The following TRA2B variants were observed in gnomAD, a reference collection of about 807,000 sequenced individuals.
The protein encoded by TRA2B is transformer 2 beta homolog.
In TRA2B, 14 loss-of-function variants were observed where a neutral mutation model predicts 41.7. The ratio of observed to expected loss-of-function variants is 0.34; its 90% CI spans 0.22 to 0.53. The LOEUF (loss-of-function observed/expected upper bound fraction) is 0.53, where lower values mean the gene tolerates loss of function less well. Among genes scored for constraint, TRA2B ranks in the 20% least tolerant of loss-of-function variants. TRA2B has a pLI of 0.95. For synonymous variants in TRA2B, 130 were observed against 128.8 expected, an observed-to-expected ratio of 1.01 and a Z score of -0.06; for missense variants, 167 against 396.8, an observed-to-expected ratio of 0.42 and a Z score of 4.92.
At chr3:185,926,854 G>C in intron 1 of TRA2B, 120 bp from the exon 2 acceptor site, 1 of 1,248,150 alleles carries the variant, frequency 8.0e-7, no homozygotes, top group Non-Finnish European at 1.1e-6. Context: ...GAAAATATAG[G>C]TAAGGGCAGG....
rs779734563 is a variant in TRA2B at position 185,919,536 on chromosome 3, G to C, written c.723-40C>G. The C allele has an allele frequency of 8.4e-6, 13 of 1,552,448 alleles. No homozygotes were observed. In the East Asian group the frequency reaches 9.0e-5, roughly 11 times the overall value. On this transcript the variant is annotated intron_variant, in intron 6 of 8. Transcript: ENST00000453386. Reference sequence around the variant, plus strand: ...AGGCAACACAACACGCATTCAGTTTGTAAGTTTTAAAAAATTATGTCATTC... The same window carrying C: ...AGGCAACACAACACGCATTCAGTTTCTAAGTTTTAAAAAATTATGTCATTC...
At chr3:185,928,087 G>A (rs890707698) in intron 1 of TRA2B, 1 of 152,216 alleles carries the variant, frequency 6.6e-6, no homozygotes, top group South Asian at 2.1e-4. Context: ...TTCTTGAAAG[G>A]ACAGTAGAGG....
chr3:185,923,658 T>C lies in TRA2B; in HGVS notation c.522+138A>G, dbSNP rs1221168769. On this transcript the variant is annotated intron_variant, in intron 4 of 8. Transcript: ENST00000453386. ...AAAATTTTGTTATTCTGCATGTATC[T>C]TGAGTCTCCACAAGAGGTTGGAGAA... 16 of 748,322 alleles carry C rather than the reference T, an allele frequency of 2.1e-5. No homozygotes were observed. In the East Asian group the frequency reaches 3.8e-4, roughly 18 times the overall value. 46.4% of individuals were successfully genotyped at this position (748,322 alleles called of 1,614,324 possible).
intron 2 of TRA2B, 55 bp downstream of exon 2, chr3:185,926,546 C>G (rs918190507): frequency 5.1e-5 from 81 of 1,603,472 alleles, no homozygotes; most frequent in Non-Finnish European, 6.7e-5. Context: ...TTACAAAACA[C>G]GCACCAATTT....
intron 1 of TRA2B, chr3:185,936,071 A>G (rs968285210): frequency 1.0e-6 from 1 of 985,366 alleles, no homozygotes; most frequent in Non-Finnish European, 1.2e-6. Context: ...TTCTCACGTA[A>G]AATATACTAA....
intron 6 of TRA2B, among the ~76,000 whole-genome samples, 158 bp downstream of exon 6, chr3:185,920,946 A>G (rs1743709876): frequency 6.6e-6 from 1 of 152,188 alleles, no homozygotes; most frequent in African/African-American, 2.4e-5. Flanking sequence ...AAATTGATTA[A>G]GACACAGAAC....
At chr3:185,933,297 T>G (rs373007507) in intron 1 of TRA2B, among the ~76,000 whole-genome samples, 1 of 152,208 alleles carries the variant, frequency 6.6e-6, no homozygotes, top group Non-Finnish European at 1.5e-5. Context: ...TTCCTTCTCT[T>G]ATAGTCTAAG....
intron 2 of TRA2B, 103 bp from the exon 3 acceptor site, chr3:185,925,729 T>C (rs1435825390): frequency 9.3e-6 from 11 of 1,179,964 alleles, no homozygotes; most frequent in Non-Finnish European, 1.3e-5. Context: ...AATCCAGGAA[T>C]ATGCTAACAT....
intron 1 of TRA2B, chr3:185,936,702 T>G (rs1292960295): frequency 1.0e-6 from 1 of 980,348 alleles, no homozygotes; most frequent in African/African-American, 1.8e-5. Flanking sequence ...AAAGCACAAA[T>G]TATTCCCACA....
At chr3:185,929,060 A>G (rs1744055420) in intron 1 of TRA2B, 1 of 152,192 alleles carries the variant, frequency 6.6e-6, no homozygotes. Context: ...ATGCAGATAT[A>G]TTTTGTAAGC....
chr3:185,936,365 A>C (rs1260097168), intron 1 of TRA2B: 7 of 985,416 alleles, frequency 7.1e-6, no homozygotes, highest in Non-Finnish European at 8.4e-6. Context: ...CTTAAAAAAA[A>C]ATCTAAAACA....
Position 185,923,800 on chromosome 3 carries a change from T to C in TRA2B, c.518A>G (p.Lys173Arg). 6.2e-7 allele frequency: 1 copy of C among 1,608,938 alleles called. No individual in the cohort carries two copies. Among genetic ancestry groups the C allele is most frequent in the Non-Finnish European group, 8.5e-7 (1 of 1,178,086 alleles). Residue 173 changes from lysine (K) to arginine (R), a missense_variant, in exon 4 of 9, where the codon AAG becomes AGG. Around this residue, in one of 5 missense-constraint regions of TRA2B, gnomAD observed 20 missense variants for 159.6 expected, o/e 0.13. Coordinates refer to ENST00000453386, the MANE Select transcript of TRA2B (RefSeq NM_004593.3). ...AAGGAACGGGCTTTTACTTACTTCC[T>C]TGGCATCATCTACATTTTCAAAATA... The part of the protein sequence containing the change: ...FVYFENVDDA[K>R]EAKERANGME...
Position 185,914,856 on chromosome 3 carries a change from C to T in TRA2B, c.*2859G>A, listed in dbSNP as rs537960808. 3.3e-5 allele frequency among the ~76,000 whole-genome samples: 5 copies of T among 152,146 alleles called. No homozygotes were observed. The highest frequency in any genetic ancestry group is 1.9e-4 in the East Asian group (1 of 5,184). Reference sequence around the variant, plus strand: ...CAAACCAAATCTTTTTATTTCTTCTCGGTGAAACTTCTAATTCTCAATTTC... The same window carrying T: ...CAAACCAAATCTTTTTATTTCTTCTTGGTGAAACTTCTAATTCTCAATTTC... On this transcript the variant is annotated 3_prime_UTR_variant, in exon 9 of 9. Coordinates refer to ENST00000453386, the MANE Select transcript of TRA2B (RefSeq NM_004593.3).
intron 4 of TRA2B, 29 bp from the exon 5 acceptor site, chr3:185,922,155 C>T: frequency 6.5e-7 from 1 of 1,540,548 alleles, no homozygotes; most frequent in Non-Finnish European, 8.9e-7. Context: ...TTGTTACATA[C>T]ATCCTGAACA....
Position 185,926,743 on chromosome 3 carries a change from A to G in TRA2B, c.37-9T>C. On this transcript the variant is annotated splice_polypyrimidine_tract_variant and intron_variant, in intron 1 of 8. Transcript: ENST00000453386. ...GAAGCAGAACGGGATTCCTACACGT[A>G]GATGTTAAAAGTTTAATTTGCACAC... The G allele has an allele frequency of 6.2e-7, 1 of 1,613,624 alleles. No individual in the cohort carries two copies. The highest frequency in any genetic ancestry group is 1.7e-5 in the Admixed American group (1 of 59,946).
intron 1 of TRA2B, 43 bp downstream of exon 1, chr3:185,937,782 G>C (rs375316877): frequency 6.2e-7 from 1 of 1,613,820 alleles, no homozygotes; most frequent in Non-Finnish European, 8.5e-7. Context: ...AAGATGCAAG[G>C]AGCTAGGACC....
At chr3:185,927,573 C>G (rs1446668681) in intron 1 of TRA2B, 2 of 152,056 alleles carry the variant, frequency 1.3e-5, no homozygotes, top group Non-Finnish European at 2.9e-5. Context: ...AACCTAGGGC[C>G]CAGGAAGCAA....
chr3:185,930,663 C>T (rs1744115687), intron 1 of TRA2B, among the ~76,000 whole-genome samples: 1 of 152,170 alleles, frequency 6.6e-6, no homozygotes. Flanking sequence ...ACACCAATCA[C>T]TTGACCCTTC....
At chr3:185,937,694 C>G in intron 1 of TRA2B, 131 bp downstream of exon 1, 1 of 1,323,114 alleles carries the variant, frequency 7.6e-7, no homozygotes, top group Non-Finnish European at 1.1e-6. Context: ...TGCTGTCTCC[C>G]TTGCCTGCCC....
Sources: allele counts gnomAD v4.1 joint callset (sites outside exome capture counted in the v4.1 genomes callset), GRCh38; gene constraint gnomAD v4.1.1; regional missense constraint gnomAD v4.1.1; transcripts MANE v1.5; gene names NCBI Gene and HGNC (gene_info 2026-07-23, HGNC 2026-07-21).